SIL1: variants seen among roughly 807,000 people sequenced by gnomAD.
The protein encoded by SIL1 is SIL1 nucleotide exchange factor.
SIL1 carries 40 observed loss-of-function variants against 49.1 expected under a neutral mutation model. The ratio of observed to expected loss-of-function variants is 0.81; its 90% CI spans 0.63 to 1.06. SIL1 has a LOEUF of 1.06. Ranked by LOEUF, SIL1 falls within the 50% of genes least tolerant of loss-of-function variation. SIL1 has a pLI of 0.00. For synonymous variants in SIL1, 253 were observed against 250.8 expected (o/e 1.01, Z -0.08); for missense variants, 500 against 572.6 (o/e 0.87, Z 1.29).
At chr5:139,108,330 C>T (rs977885985) in intron 3 of SIL1, 8 of 152,096 alleles carry the variant, frequency 5.3e-5, no homozygotes, top group Non-Finnish European at 1.0e-4. Flanking sequence ...AGTTCTATTC[C>T]GAAGCCTTTT....
chr5:139,010,627 A>C (rs1282703281), intron 7 of SIL1, among the ~76,000 whole-genome samples: 8 of 149,130 alleles, frequency 5.4e-5, no homozygotes, highest in Admixed American at 3.3e-4. Flanking sequence ...ATGGTGATGT[A>C]CAGATGGGTT....
chr5:139,116,809 C>A (rs1168793906), intron 3 of SIL1, among the ~76,000 whole-genome samples: 1 of 152,186 alleles, frequency 6.6e-6, no homozygotes, highest in East Asian at 1.9e-4. Flanking sequence ...ACAACTATAG[C>A]CACTTATTGA....
intron 7 of SIL1, among the ~76,000 whole-genome samples, chr5:138,987,187 C>A (rs1309075920): frequency 2.7e-5 from 4 of 150,802 alleles, no homozygotes; most frequent in Admixed American, 6.6e-5. Flanking sequence ...GTGGCATGAT[C>A]ACAGCTCACT....
chr5:138,957,533 A>C (rs915642898), intron 7 of SIL1, among the ~76,000 whole-genome samples: 2 of 152,024 alleles, frequency 1.3e-5, no homozygotes, highest in Admixed American at 1.3e-4. Context: ...GCAGTGAGCT[A>C]TGGGCAACAG....
intron 2 of SIL1, among the ~76,000 whole-genome samples, chr5:139,121,920 A>G (rs1256217764): frequency 6.6e-6 from 1 of 152,200 alleles, no homozygotes; most frequent in East Asian, 1.9e-4. Context: ...ACAAAGTATT[A>G]TTCATTTTGC....
Position 138,992,862 on chromosome 5 carries a change from T to C in SIL1, c.767+28309A>G, listed in dbSNP as rs192721295. On this transcript the variant is annotated intron_variant, in intron 7 of 9. Transcript: ENST00000394817. ...AACACCACCTGTTCCCAAAAAACTA[T>C]TGAAAAAAGTAAAATTTAGAAAATA... Among the ~76,000 whole-genome samples, 27 of 151,822 alleles carry C rather than the reference T, an allele frequency of 1.8e-4. No individual in the cohort carries two copies. In the East Asian group the frequency reaches 4.8e-3, roughly 27 times the overall value.
At chr5:139,066,030 A>G (rs910563728) in intron 3 of SIL1, among the ~76,000 whole-genome samples, 1 of 152,220 alleles carries the variant, frequency 6.6e-6, no homozygotes, top group African/African-American at 2.4e-5. Flanking sequence ...TGAGCTAGAA[A>G]GAACTTCAGG....
intron 5 of SIL1, among the ~76,000 whole-genome samples, chr5:139,039,559 G>A (rs564833467): frequency 6.6e-6 from 1 of 152,216 alleles, no homozygotes; most frequent in South Asian, 2.1e-4. Context: ...AATATATAGA[G>A]GACAAAAAGA....
intron 3 of SIL1, among the ~76,000 whole-genome samples, chr5:139,064,968 CCT>C (rs1769672854): frequency 6.6e-6 from 1 of 152,166 alleles, no homozygotes; most frequent in Non-Finnish European, 1.5e-5. Flanking sequence ...CTGGCTCTTG[CCT>C]CTCTGTGACT....
chr5:139,070,043 T>C (rs1052301408), intron 3 of SIL1, among the ~76,000 whole-genome samples: 1 of 152,146 alleles, frequency 6.6e-6, no homozygotes, highest in East Asian at 1.9e-4. Flanking sequence ...ATTACATATA[T>C]AGTTATTTGT....
At chr5:139,013,568 C>A (rs1411210620) in intron 7 of SIL1, 1 of 130,216 alleles carries the variant, frequency 7.7e-6, no homozygotes, top group Non-Finnish European at 1.6e-5. Flanking sequence ...GAATTTCTCT[C>A]ACTTTCTTAC....
rs372816951 is a variant in SIL1 at position 138,951,803 on chromosome 5, G to A, written c.849C>T (p.Leu283=). The change falls in exon 8 of 10, where the codon CTC becomes CTT. Residue 283 remains leucine (L), a synonymous_variant. Transcript: ENST00000394817. The part of the protein sequence containing the change: ...LLVILATEQP[L]TAKKKVLFAL... ...GGAAACACACCTTCTTCTTTGCAGT[G>A]AGCGGCTGCTCCGTGGCCAGGATGA... is the stretch of plus-strand genomic sequence containing the variant. 248 of 1,614,084 alleles carry A rather than the reference G, an allele frequency of 1.5e-4. No homozygotes were observed. Among genetic ancestry groups the A allele is most frequent in the Non-Finnish European group, 1.9e-4 (230 of 1,180,000 alleles).
chr5:138,947,673 T>C lies in SIL1; in HGVS notation c.1030-200A>G, dbSNP rs1056028016. On this transcript the variant is annotated intron_variant, in intron 9 of 9. Coordinates refer to ENST00000394817, the MANE Select transcript of SIL1 (RefSeq NM_022464.5). This position sits in a 1 kb window ranked among gnomAD's most constrained non-coding sequence, Gnocchi z 4.1. ...TCCACCAACAGAAACACTTGTGTGG[T>C]GCCAGGTGCTGAAGAAACCACGATG... 6.6e-6 allele frequency among the ~76,000 whole-genome samples: 1 copy of C among 152,204 alleles called. No individual in the cohort carries two copies. The highest frequency in any genetic ancestry group is 1.5e-5 in the Non-Finnish European group (1 of 68,034).
At chr5:139,166,694 G>C (rs1320182045) in intron 1 of SIL1, among the ~76,000 whole-genome samples, 1 of 152,158 alleles carries the variant, frequency 6.6e-6, no homozygotes, top group Non-Finnish European at 1.5e-5. Flanking sequence ...GCCCAGGCTG[G>C]AGTGCGGTGG....
chr5:139,103,599 G>A (rs1237857427), intron 3 of SIL1, among the ~76,000 whole-genome samples: 2 of 152,216 alleles, frequency 1.3e-5, no homozygotes, highest in African/African-American at 4.8e-5. Flanking sequence ...CATGGGCACA[G>A]TGGACCCTGC....
At chr5:139,004,297 G>A (rs1205404559) in intron 7 of SIL1, among the ~76,000 whole-genome samples, 1 of 152,008 alleles carries the variant, frequency 6.6e-6, no homozygotes, top group Non-Finnish European at 1.5e-5. Context: ...CACTGTACCT[G>A]GCCTCTGTTT....
chr5:138,988,270 G>A (rs1767685111), intron 7 of SIL1, among the ~76,000 whole-genome samples: 1 of 152,234 alleles, frequency 6.6e-6, no homozygotes, highest in Non-Finnish European at 1.5e-5. Flanking sequence ...CCAGCACAAT[G>A]GAGGGAACAT....
intron 3 of SIL1, among the ~76,000 whole-genome samples, chr5:139,051,463 ACAGT>A (rs1169496085): frequency 3.3e-5 from 5 of 152,134 alleles, no homozygotes; most frequent in Admixed American, 2.0e-4. Flanking sequence ...CCCCTCCTCG[ACAGT>A]CAGTCCCACA....
intron 1 of SIL1, among the ~76,000 whole-genome samples, chr5:139,138,095 C>T (rs556033073): frequency 4.2e-4 from 64 of 151,794 alleles, no homozygotes; most frequent in Admixed American, 2.1e-3. Flanking sequence ...GAAGCAAAAG[C>T]ATCCCTGCTC....
Sources: allele counts gnomAD v4.1 joint callset (sites outside exome capture counted in the v4.1 genomes callset), GRCh38; gene constraint gnomAD v4.1.1; non-coding constraint Gnocchi (gnomAD v3.1); transcripts MANE v1.5; gene names NCBI Gene and HGNC (gene_info 2026-07-23, HGNC 2026-07-21).